The following RPL39L variants were observed in gnomAD, a reference collection of about 807,000 sequenced individuals.
The protein encoded by RPL39L is ribosomal protein eL39-like 2.
For missense variants in RPL39L, 48 were observed against 58.9 expected (o/e 0.81, Z 0.61); for synonymous variants, 16 against 20.1 (o/e 0.80, Z 0.55).
intron 1 of RPL39L, among the ~76,000 whole-genome samples, chr3:187,135,401 T>C (rs180949574): frequency 5.5e-4 from 84 of 152,284 alleles, no homozygotes; most frequent in African/African-American, 2.0e-3. Context: ...CGTGCTGTTC[T>C]TGTGATAGTG....
Position 187,121,260 on chromosome 3 carries a change from G to T in RPL39L, c.41C>A (p.Ala14Asp). 1 of 1,613,948 alleles carries T rather than the reference G, an allele frequency of 6.2e-7. No homozygotes were observed. Among genetic ancestry groups the T allele is most frequent in the Non-Finnish European group, 8.5e-7 (1 of 1,179,890 alleles). ...HKTFTIKRFL[A>D]KKQKQNRPIP... The stretch of plus-strand genomic sequence containing the variant: ...GGGACGATTTTGCTTTTGTTTCTTG[G>T]CCAGGAATCGCTTAATGGTGAAAGT... The change falls in exon 3 of 3, where the codon GCC becomes GAC. Residue 14 changes from alanine (A) to aspartate (D), a missense_variant. Ala to Asp is a moderately radical substitution (Grantham distance 126, BLOSUM62 -2). Coordinates refer to ENST00000296277, the MANE Select transcript of RPL39L (RefSeq NM_052969.3).
chr3:187,123,031 C>A (rs1720339614), intron 2 of RPL39L, among the ~76,000 whole-genome samples: 1 of 152,072 alleles, frequency 6.6e-6, no homozygotes, highest in Non-Finnish European at 1.5e-5. Context: ...TGATGGGCAA[C>A]CCATAAATAT....
intron 1 of RPL39L, among the ~76,000 whole-genome samples, chr3:187,136,038 T>A (rs1003826646): frequency 4.1e-4 from 62 of 152,256 alleles, no homozygotes; most frequent in Admixed American, 2.4e-3. Flanking sequence ...CACACTGATG[T>A]AAAGCTAACA....
rs72169562 is a variant in RPL39L, at chr3:187,134,483, T to TAAAAAA, written c.-93+4724_-93+4729dup. ...GCCCAAACTACTTTAGCCTGACTGATAAAAAAAAAAAAAAAAAAAGAAGAC... is the reference window on the plus strand; with the variant it reads ...GCCCAAACTACTTTAGCCTGACTGATAAAAAAAAAAAAAAAAAAAAAAAAAGAAGAC... On this transcript the variant is annotated intron_variant, in intron 1 of 2. Coordinates refer to ENST00000296277, the MANE Select transcript of RPL39L (RefSeq NM_052969.3). 1.8e-3 allele frequency among the ~76,000 whole-genome samples: 172 copies of TAAAAAA among 93,198 alleles called. 5 individuals carry two copies. The highest frequency in any genetic ancestry group is 5.7e-3 in the African/African-American group (134 of 23,382). 61.1% of individuals were successfully genotyped at this position (93,198 alleles called of 152,430 possible).
chr3:187,134,495 A>AAAAG (rs1298394101), intron 1 of RPL39L, among the ~76,000 whole-genome samples: 32 of 151,642 alleles, frequency 2.1e-4, no homozygotes, highest in African/African-American at 7.8e-4. Flanking sequence ...AAAAAAAAAA[A>AAAAG]AAAAAAAGAA....
At chr3:187,127,942 A>G (rs1720425527) in intron 2 of RPL39L, 57 bp downstream of exon 2, 1 of 152,216 alleles carries the variant, frequency 6.6e-6, no homozygotes, top group Admixed American at 6.5e-5. Flanking sequence ...AAAGTGTCCA[A>G]TTTTAAAAAT....
At chr3:187,124,368 G>A (rs945321086) in intron 2 of RPL39L, among the ~76,000 whole-genome samples, 16 of 152,150 alleles carry the variant, frequency 1.1e-4, no homozygotes, top group Admixed American at 2.6e-4. Flanking sequence ...ATGCAAAGGC[G>A]AAGTTTATTA....
chr3:187,124,796 A>C (rs1270948995), intron 2 of RPL39L, among the ~76,000 whole-genome samples: 2 of 152,194 alleles, frequency 1.3e-5, no homozygotes, highest in African/African-American at 2.4e-5. Flanking sequence ...TTTGGGCATA[A>C]CTGGGGCTAT....
intron 1 of RPL39L, among the ~76,000 whole-genome samples, chr3:187,136,044 T>A (rs1056470084): frequency 6.6e-6 from 1 of 152,236 alleles, no homozygotes; most frequent in African/African-American, 2.4e-5. Flanking sequence ...GATGTAAAGC[T>A]AACATCTTCC....
chr3:187,128,271 C>T (rs1720432133), intron 1 of RPL39L, among the ~76,000 whole-genome samples: 1 of 152,168 alleles, frequency 6.6e-6, no homozygotes, highest in South Asian at 2.1e-4. Context: ...GCAGCCTGTG[C>T]TTGCTTTTGA....
intron 2 of RPL39L, among the ~76,000 whole-genome samples, chr3:187,123,228 G>A (rs1194745060): frequency 6.6e-6 from 1 of 152,146 alleles, no homozygotes; most frequent in East Asian, 1.9e-4. Context: ...TAACAGATGA[G>A]TAGGCAACTA....
At chr3:187,124,434 A>T (rs1326303093) in intron 2 of RPL39L, among the ~76,000 whole-genome samples, 1 of 152,152 alleles carries the variant, frequency 6.6e-6, no homozygotes, top group Non-Finnish European at 1.5e-5. Context: ...GTGGAGATGG[A>T]GGCTCATGAG....
At chr3:187,127,933 A>C (rs1275223542) in intron 2 of RPL39L, 66 bp downstream of exon 2, 1 of 152,222 alleles carries the variant, frequency 6.6e-6, no homozygotes, top group East Asian at 1.9e-4. Flanking sequence ...ATTTTTAACA[A>C]AGTGTCCAAT....
At chr3:187,136,570 T>A (rs1029550392) in intron 1 of RPL39L, among the ~76,000 whole-genome samples, 1 of 152,176 alleles carries the variant, frequency 6.6e-6, no homozygotes. Flanking sequence ...TTAGTAAGGT[T>A]GTTTGATATG....
At chr3:187,124,342 A>G (rs1560199272) in intron 2 of RPL39L, among the ~76,000 whole-genome samples, 1 of 152,218 alleles carries the variant, frequency 6.6e-6, no homozygotes, top group African/African-American at 2.4e-5. Context: ...GGCAAATTCT[A>G]GAAACTGGAT....
intron 1 of RPL39L, among the ~76,000 whole-genome samples, chr3:187,136,527 C>T (rs568016433): frequency 6.6e-6 from 1 of 152,284 alleles, no homozygotes; most frequent in African/African-American, 2.4e-5. Context: ...GGCTGTGGTT[C>T]TTTAACTGCC....
intron 2 of RPL39L, among the ~76,000 whole-genome samples, chr3:187,124,442 G>C (rs1352430160): frequency 6.6e-6 from 1 of 152,204 alleles, no homozygotes; most frequent in Non-Finnish European, 1.5e-5. Flanking sequence ...GGAGGCTCAT[G>C]AGATTTATTA....
intron 2 of RPL39L, among the ~76,000 whole-genome samples, chr3:187,124,966 A>G (rs1720373901): frequency 6.6e-6 from 1 of 152,232 alleles, no homozygotes; most frequent in African/African-American, 2.4e-5. Flanking sequence ...CAGCTATTAT[A>G]TATGACCAGC....
intron 2 of RPL39L, among the ~76,000 whole-genome samples, chr3:187,123,634 G>T (rs1048394192): frequency 4.6e-5 from 7 of 152,274 alleles, no homozygotes; most frequent in African/African-American, 1.7e-4. Flanking sequence ...ACTAGACTGG[G>T]TTGCCAACAA....
Sources: gnomAD v4.1 joint callset for allele counts (sites outside exome capture counted in the v4.1 genomes callset) on GRCh38, gnomAD v4.1.1 for gene constraint, MANE v1.5 for transcripts, NCBI Gene and HGNC (gene_info 2026-07-23, HGNC 2026-07-21) for gene names.